Variants in SKAP1 observed in about 807,000 individuals in gnomAD.
The protein encoded by SKAP1 is src kinase associated phosphoprotein 1.
Under a neutral mutation model 58.5 loss-of-function variants are expected in SKAP1, and 44 were observed. The observed-to-expected ratio is 0.75, with a 90% confidence interval of 0.59 to 0.97. The LOEUF is 0.97. Among genes scored for constraint, SKAP1 ranks in the 50% least tolerant of loss-of-function variants. The probability of loss-of-function intolerance (pLI) is 0.00; values close to 1 mark genes in which losing one functional copy is unlikely to be tolerated. For synonymous variants in SKAP1, 127 were observed against 149.7 expected (o/e 0.85, Z 1.11); for missense variants, 390 against 435.2 (o/e 0.90, Z 0.92).
intron 6 of SKAP1, among the ~76,000 whole-genome samples, 191 bp downstream of exon 6, chr17:48,187,652 T>A (rs2064476143): frequency 6.6e-6 from 1 of 152,210 alleles, no homozygotes; most frequent in South Asian, 2.1e-4. Flanking sequence ...AAAGGTGAAA[T>A]AATTTCTAAA....
chr17:48,237,919 ATT>A (rs34392180), intron 4 of SKAP1, among the ~76,000 whole-genome samples: 4,457 of 145,484 alleles, frequency 0.031, 175 homozygotes, highest in African/African-American at 0.097. Flanking sequence ...TTTGGTTCAG[ATT>A]TTTTTTTTTT....
chr17:48,136,168 T>TTC (rs143065313), intron 12 of SKAP1, among the ~76,000 whole-genome samples: 20 of 150,400 alleles, frequency 1.3e-4, no homozygotes, highest in African/African-American at 4.2e-4. Context: ...GGGTATGCTT[T>TTC]TCTCTCTCTT....
At chr17:48,182,026 A>G (rs938368525) in intron 8 of SKAP1, among the ~76,000 whole-genome samples, 3 of 152,178 alleles carry the variant, frequency 2.0e-5, no homozygotes, top group South Asian at 2.1e-4. Context: ...TTGAACCTCA[A>G]TTGCAACTAG....
At chr17:48,338,746 T>C (rs1480444324) in intron 4 of SKAP1, among the ~76,000 whole-genome samples, 1 of 152,192 alleles carries the variant, frequency 6.6e-6, no homozygotes, top group Non-Finnish European at 1.5e-5. Flanking sequence ...CATAGACAGA[T>C]AATTGTTACT....
intron 4 of SKAP1, among the ~76,000 whole-genome samples, chr17:48,318,453 C>T (rs1484035069): frequency 1.3e-5 from 2 of 152,210 alleles, no homozygotes; most frequent in African/African-American, 4.8e-5. Context: ...TTCTGACACA[C>T]TAAGCTACTT....
At chr17:48,298,097 G>A (rs1377700351) in intron 4 of SKAP1, among the ~76,000 whole-genome samples, 2 of 152,118 alleles carry the variant, frequency 1.3e-5, no homozygotes, top group African/African-American at 4.8e-5. Context: ...CTTTCCAGAT[G>A]TTCCAGCGTT....
chr17:48,276,851 T>C (rs888807037), intron 4 of SKAP1, among the ~76,000 whole-genome samples: 2 of 152,254 alleles, frequency 1.3e-5, no homozygotes, highest in East Asian at 3.8e-4. Context: ...TTGAGCTAGT[T>C]GTATGCGTTT....
chr17:48,339,661 C>T (rs1165747204), intron 4 of SKAP1, among the ~76,000 whole-genome samples: 2 of 152,084 alleles, frequency 1.3e-5, no homozygotes, highest in East Asian at 3.8e-4. Context: ...CATTTTACTC[C>T]AAAGTTGTCA....
intron 4 of SKAP1, among the ~76,000 whole-genome samples, chr17:48,304,301 A>G (rs759960190): frequency 7.2e-5 from 11 of 152,224 alleles, no homozygotes; most frequent in Admixed American, 4.6e-4. Context: ...TCCTGGTTCT[A>G]TCATACAAGA....
intron 1 of SKAP1, among the ~76,000 whole-genome samples, chr17:48,427,286 G>A (rs779854711): frequency 6.6e-6 from 1 of 152,046 alleles, no homozygotes; most frequent in Admixed American, 6.6e-5. Flanking sequence ...TTAAAAATAT[G>A]CCATGGACAC....
intron 2 of SKAP1, among the ~76,000 whole-genome samples, chr17:48,377,994 C>T (rs1366693211): frequency 6.6e-6 from 1 of 152,154 alleles, no homozygotes; most frequent in African/African-American, 2.4e-5. Context: ...TACTATCCAC[C>T]CAGCTGAAAC....
upstream of SKAP1, among the ~76,000 whole-genome samples, chr17:48,432,484 C>G (rs2067925425): frequency 6.6e-6 from 1 of 152,000 alleles, no homozygotes; most frequent in African/African-American, 2.4e-5. Flanking sequence ...CTACCCCTTT[C>G]AGGCTTGGGA....
intron 4 of SKAP1, among the ~76,000 whole-genome samples, chr17:48,323,755 C>T (rs752629014): frequency 1.1e-4 from 16 of 151,944 alleles, no homozygotes; most frequent in Non-Finnish European, 2.1e-4. Flanking sequence ...CATAGGAAGG[C>T]CTGGACAAAA....
At chr17:48,390,511 T>C (rs1298956570) in intron 2 of SKAP1, among the ~76,000 whole-genome samples, 1 of 152,138 alleles carries the variant, frequency 6.6e-6, no homozygotes. Flanking sequence ...CAAATCCATA[T>C]TGAGTAGCTA....
At chr17:48,143,961 A>T (rs1481670924) in intron 11 of SKAP1, among the ~76,000 whole-genome samples, 1 of 152,228 alleles carries the variant, frequency 6.6e-6, no homozygotes, top group Non-Finnish European at 1.5e-5. Context: ...GAAGCAGATG[A>T]GTCTCAGCAG....
chr17:48,383,492 A>C lies in SKAP1; in HGVS notation c.152+13188T>G, dbSNP rs186251186. Among the ~76,000 whole-genome samples, 71 of 152,298 alleles carry C rather than the reference A, an allele frequency of 4.7e-4. 1 individual carries two copies. The highest frequency in any genetic ancestry group is 1.3e-3 in the Admixed American group (20 of 15,300). ...ATAATCACAAAATAAAACTCAAAGT[A>C]CTGCTATATTTTACAAGGCTCAAAA... On this transcript the variant is annotated intron_variant, in intron 2 of 12. Transcript: ENST00000336915.
chr17:48,210,621 T>A (rs11079815), intron 4 of SKAP1, among the ~76,000 whole-genome samples: 126,050 of 151,762 alleles, frequency 0.83, 52,405 homozygotes, highest in East Asian at 0.95. Context: ...CAACTTGTAC[T>A]CACAGCAATT....
At chr17:48,439,141 TG>T in the SKAP1 span, among the ~76,000 whole-genome samples, 1 of 152,212 alleles carries the variant, frequency 6.6e-6, no homozygotes, top group Non-Finnish European at 1.5e-5. Context: ...AAAAGTGCCT[TG>T]TGGATCAAGC....
intron 1 of SKAP1, among the ~76,000 whole-genome samples, chr17:48,403,504 A>C (rs1393489991): frequency 6.6e-6 from 1 of 152,146 alleles, no homozygotes; most frequent in African/African-American, 2.4e-5. Context: ...TGAGCTTTCA[A>C]AATTTCAAGG....
Sources: gnomAD v4.1 joint callset for allele counts (sites outside exome capture counted in the v4.1 genomes callset) on GRCh38, gnomAD v4.1.1 for gene constraint, MANE v1.5 for transcripts, NCBI Gene and HGNC (gene_info 2026-07-23, HGNC 2026-07-21) for gene names.